The following DIAPH3 variants were observed in gnomAD, a reference collection of about 807,000 sequenced individuals.
DIAPH3 encodes diaphanous related formin 3.
A neutral mutation model predicts 144.3 loss-of-function variants in DIAPH3; 117 were observed. That is an observed-to-expected ratio of 0.81 (90% CI 0.70 to 0.95). The LOEUF is 0.95. Among genes scored for constraint, DIAPH3 ranks in the 40% least tolerant of loss-of-function variants. The pLI is 0.00. For missense variants in DIAPH3, 1,421 were observed against 1,412.7 expected, an observed-to-expected ratio of 1.01 and a Z score of -0.09; for synonymous variants, 519 against 488.9, an observed-to-expected ratio of 1.06 and a Z score of -0.81.
chr13:59,854,419 G>A (rs1282881475), intron 22 of DIAPH3, among the ~76,000 whole-genome samples: 2 of 152,098 alleles, frequency 1.3e-5, no homozygotes, highest in Non-Finnish European at 2.9e-5. Context: ...CTGGTTTCTG[G>A]AGAGCAGCTG....
intron 20 of DIAPH3, among the ~76,000 whole-genome samples, chr13:59,910,627 G>A (rs1430294060): frequency 6.6e-6 from 1 of 151,846 alleles, no homozygotes; most frequent in Admixed American, 6.6e-5. Context: ...TACTCAGGAG[G>A]CTGAGGCAGG....
At chr13:59,731,704 G>A (rs907733264) in intron 27 of DIAPH3, among the ~76,000 whole-genome samples, 2 of 152,078 alleles carry the variant, frequency 1.3e-5, no homozygotes, top group African/African-American at 4.8e-5. Context: ...AAGATCATAC[G>A]AGTTTGCTTG....
intron 27 of DIAPH3, among the ~76,000 whole-genome samples, chr13:59,724,914 CAGAAA>C (rs1175208807): frequency 5.3e-5 from 8 of 152,180 alleles, no homozygotes; most frequent in Middle Eastern, 3.4e-3. Context: ...ATATATGCCC[CAGAAA>C]AGAAAAGCTA....
chr13:60,034,650 T>C (rs2055064151), intron 5 of DIAPH3: 1 of 152,146 alleles, frequency 6.6e-6, no homozygotes, highest in African/African-American at 2.4e-5. Context: ...GAACTTAGTG[T>C]GGACACCTGA....
intron 4 of DIAPH3, among the ~76,000 whole-genome samples, chr13:60,048,691 C>T (rs997895682): frequency 4.7e-5 from 2 of 42,670 alleles, no homozygotes; most frequent in African/African-American, 1.9e-4. Context: ...TTTGATACTC[C>T]TGGAACTCTT....
At chr13:60,119,741 C>A (rs1337957008) in intron 2 of DIAPH3, among the ~76,000 whole-genome samples, 1 of 110,546 alleles carries the variant, frequency 9.0e-6, no homozygotes, top group Admixed American at 1.1e-4. Flanking sequence ...AGCGAGACTC[C>A]GTCTCAAAAA....
intron 10 of DIAPH3, 132 bp downstream of exon 10, chr13:59,992,341 T>C: frequency 9.5e-7 from 1 of 1,057,298 alleles, no homozygotes; most frequent in East Asian, 2.6e-5. Flanking sequence ...TCATCTATAT[T>C]TCAAAAATAG....
intron 14 of DIAPH3, among the ~76,000 whole-genome samples, chr13:59,978,445 T>C (rs1011940815): frequency 3.3e-5 from 5 of 151,694 alleles, no homozygotes; most frequent in East Asian, 1.9e-4. Flanking sequence ...TTATGAAATA[T>C]CTATTTCATA....
chr13:59,856,432 A>G (rs959086233), intron 22 of DIAPH3, among the ~76,000 whole-genome samples: 4 of 152,180 alleles, frequency 2.6e-5, no homozygotes, highest in Non-Finnish European at 5.9e-5. Context: ...GTCCAAGATC[A>G]AGGTGTTGGC....
Position 59,839,448 on chromosome 13 carries a change from A to C in DIAPH3, c.2738T>G (p.Val913Gly). 1 of 1,613,006 alleles carries C rather than the reference A, an allele frequency of 6.2e-7. No individual in the cohort carries two copies. Among genetic ancestry groups the C allele is most frequent in the Admixed American group, 1.7e-5 (1 of 59,954 alleles). Residue 913 changes from valine (V) to glycine (G), a missense_variant and splice_region_variant, in exon 23 of 28, where the codon GTC (valine) becomes GGC (glycine). Val to Gly is a moderately radical substitution (Grantham distance 109). Transcript: ENST00000400324. ...DLEPLDKASK[V>G]SVETLEKNLR... ...ATTCTTTTCCAGCGTTTCTACAGAG[A>C]CTAAAAGAGAGTATATTAAATGCCC... is the stretch of plus-strand genomic sequence containing the variant.
chr13:59,764,926 T>C (rs1043277801), intron 27 of DIAPH3, among the ~76,000 whole-genome samples: 1 of 152,128 alleles, frequency 6.6e-6, no homozygotes, highest in African/African-American at 2.4e-5. Flanking sequence ...AAATAATACA[T>C]CTGGATTCCA....
intron 9 of DIAPH3, among the ~76,000 whole-genome samples, chr13:60,003,516 T>C (rs556151732): frequency 1.3e-5 from 2 of 150,616 alleles, no homozygotes; most frequent in Non-Finnish European, 3.0e-5. Context: ...TATGTGTGTA[T>C]ACATATATAT....
At chr13:60,000,841 TG>T (rs1465794788) in intron 9 of DIAPH3, among the ~76,000 whole-genome samples, 1 of 152,156 alleles carries the variant, frequency 6.6e-6, no homozygotes, top group Non-Finnish European at 1.5e-5. Context: ...AAAATATTCT[TG>T]AGGTATTTCC....
chr13:60,069,331 G>C (rs901111066), intron 4 of DIAPH3, among the ~76,000 whole-genome samples: 1 of 151,722 alleles, frequency 6.6e-6, no homozygotes, highest in Non-Finnish European at 1.5e-5. Context: ...TAATGGGGTT[G>C]TTTTTTGCTT....
intron 12 of DIAPH3, among the ~76,000 whole-genome samples, chr13:59,990,482 A>G (rs559438611): frequency 6.6e-6 from 1 of 152,058 alleles, no homozygotes; most frequent in Non-Finnish European, 1.5e-5. Context: ...CCACCATAAA[A>G]CAGTAATAGA....
At position 60,093,652 on chromosome 13, in the gene DIAPH3, C is replaced by T. The variant is rs1290510006; in HGVS notation, c.471G>A (p.Gln157=). 5 of 1,611,486 alleles carry T rather than the reference C, an allele frequency of 3.1e-6. No individual in the cohort carries two copies. In the Admixed American group the frequency reaches 6.7e-5, roughly 21 times the overall value. Residue 157 remains glutamine (Q), a synonymous_variant, in exon 4 of 28, where the codon CAG becomes CAA. Coordinates refer to ENST00000400324, the MANE Select transcript of DIAPH3 (RefSeq NM_001042517.2). ...CTGTCTTAGAAGCAGTATTAATGTA[C>T]TGCATCACCATTTCTTTTTTGATAC... ...DFSIKKEMVM[Q]YINTASKTGS...
At chr13:60,050,205 A>G (rs186285516) in intron 4 of DIAPH3, among the ~76,000 whole-genome samples, 2 of 152,344 alleles carry the variant, frequency 1.3e-5, no homozygotes, top group East Asian at 3.9e-4. Context: ...AAAAAAGAAA[A>G]GACAGAAGGA....
rs760805490 is a variant in DIAPH3, at chr13:59,879,408, C to T, written c.2428G>A (p.Glu810Lys). 1.2e-6 allele frequency: 2 copies of T among 1,613,830 alleles called. No individual in the cohort carries two copies. Among genetic ancestry groups the T allele is most frequent in the South Asian group, 2.2e-5 (2 of 91,070 alleles). Residue 810 changes from glutamate to lysine, a missense_variant, in exon 21 of 28, where the codon GAA (glutamate) becomes AAA (lysine). Coordinates refer to ENST00000400324, the MANE Select transcript of DIAPH3 (RefSeq NM_001042517.2). The part of the protein sequence containing the change: ...LSAILFKLQF[E>K]EQVNNIKPDI... ...GGTTTGATGTTGTTCACCTGCTCTT[C>T]AAACTGAAGCTTAAAGAGAATAGCA...
chr13:60,064,792 C>A (rs751550762), intron 4 of DIAPH3, among the ~76,000 whole-genome samples: 2 of 152,162 alleles, frequency 1.3e-5, no homozygotes, highest in South Asian at 4.1e-4. Context: ...CCTATCTCAG[C>A]GAGTTGACAC....
Sources: gnomAD v4.1 joint callset for allele counts (sites outside exome capture counted in the v4.1 genomes callset) on GRCh38, gnomAD v4.1.1 for gene constraint, MANE v1.5 for transcripts, NCBI Gene and HGNC (gene_info 2026-07-23, HGNC 2026-07-21) for gene names.